The following POLQ variants were observed in gnomAD, a reference collection of about 807,000 sequenced individuals.
POLQ encodes the protein epididymis secretory sperm binding protein.
POLQ carries 233 observed loss-of-function variants against 259.2 expected under a neutral mutation model. The ratio of observed to expected loss-of-function variants is 0.90; its 90% CI spans 0.81 to 1.00. POLQ has a LOEUF of 1.00. Among genes scored for constraint, POLQ ranks in the 50% least tolerant of loss-of-function variants. The probability of loss-of-function intolerance (pLI) is 0.00; values close to 1 mark genes in which losing one functional copy is unlikely to be tolerated. For missense variants in POLQ, 2,871 were observed against 3,051.6 expected (o/e 0.94, Z 1.39); for synonymous variants, 1,025 against 1,048.8 (o/e 0.98, Z 0.44).
rs2047514835 is a variant in POLQ at position 121,433,121 on chromosome 3, T to C, written c.7544-88A>G. Reference sequence around the variant, plus strand: ...AGAGATTCTGAGTAACTCTGAGGAATTTTAATGAGAAGATTAAAACACACA... The same window carrying C: ...AGAGATTCTGAGTAACTCTGAGGAACTTTAATGAGAAGATTAAAACACACA... On this transcript the variant is annotated intron_variant, in intron 28 of 29. Coordinates refer to ENST00000264233, the MANE Select transcript of POLQ (RefSeq NM_199420.4). 4.1e-6 allele frequency: 3 copies of C among 736,984 alleles called. No homozygotes were observed. In the South Asian group the frequency reaches 4.5e-5, roughly 11 times the overall value. 45.7% of individuals were successfully genotyped at this position (736,984 alleles called of 1,614,324 possible). A position where few individuals can be genotyped will look rare whatever the true frequency, so the allele number is the denominator to read the frequency against.
intron 15 of POLQ, among the ~76,000 whole-genome samples, chr3:121,491,346 C>CAAAAAAA (rs3045625): frequency 2.4e-4 from 19 of 77,984 alleles, no homozygotes; most frequent in African/African-American, 3.9e-4. Context: ...GAGACTGTCA[C>CAAAAAAA]AAAAAAAAAA....
At chr3:121,514,801 C>A (rs1266184662) in intron 9 of POLQ, among the ~76,000 whole-genome samples, 2 of 151,986 alleles carry the variant, frequency 1.3e-5, no homozygotes, top group Middle Eastern at 3.2e-3. Flanking sequence ...ACAGTGTAGC[C>A]CAGGACAAAG....
At chr3:121,496,676 T>C in intron 14 of POLQ, 132 bp downstream of exon 14, 1 of 877,218 alleles carries the variant, frequency 1.1e-6, no homozygotes, top group Non-Finnish European at 1.7e-6. Flanking sequence ...TTTCTGATGA[T>C]GACAAGAACT....
Position 121,485,033 on chromosome 3 carries a change from T to C in POLQ, c.5773+8A>G, listed in dbSNP as rs781521319. ...ACATAGTGACTTAGCCAAATACTCA[T>C]TACTTACCAGAATGCTTTTGTTCCT... On this transcript the variant is annotated splice_region_variant and intron_variant, in intron 17 of 29. Transcript: ENST00000264233. 2 of 1,605,694 alleles carry C rather than the reference T, an allele frequency of 1.2e-6. No individual in the cohort carries two copies. The highest frequency in any genetic ancestry group is 1.7e-6 in the Non-Finnish European group (2 of 1,176,070).
intron 12 of POLQ, among the ~76,000 whole-genome samples, chr3:121,501,654 T>C (rs1576418996): frequency 1.5e-5 from 1 of 67,378 alleles, no homozygotes; most frequent in Non-Finnish European, 2.5e-5. Context: ...AGAGCGAGAC[T>C]CCGTCTCAAA....
chr3:121,505,937 G>A (rs147926944), intron 12 of POLQ, among the ~76,000 whole-genome samples: 2,068 of 149,678 alleles, frequency 0.014, 45 homozygotes, highest in African/African-American at 0.047. Flanking sequence ...CAGGAGAATC[G>A]CTTGAACCCA....
At chr3:121,494,320 T>C (rs2048096589) in intron 14 of POLQ, 10 of 1,598,200 alleles carry the variant, frequency 6.3e-6, no homozygotes, top group Middle Eastern at 2.2e-4. Flanking sequence ...CCATCCTCTA[T>C]AAGCGGCTGA....
Position 121,498,554 on chromosome 3 carries a change from C to T in POLQ, c.2076G>A (p.Gly692=). 3.7e-6 allele frequency: 6 copies of T among 1,614,074 alleles called. No individual in the cohort carries two copies. The highest frequency in any genetic ancestry group is 5.1e-6 in the Non-Finnish European group (6 of 1,179,966). The change falls in exon 13 of 30, where the codon GGG becomes GGA. Residue 692 remains glycine (G), a synonymous_variant. Transcript: ENST00000264233. ...TTCCTTTCACACAACGGGCCAAGAA[C>T]CCCTCTTCAACTCCCACTAGCTCTG... ...RVAELVGVEE[G]FLARCVKGKV...
chr3:121,493,393 ATAACT>A (rs2108800566), intron 15 of POLQ, 80 bp downstream of exon 15: 2 of 1,014,536 alleles, frequency 2.0e-6, no homozygotes, highest in African/African-American at 3.3e-5. Context: ...TAAGAGAAAA[ATAACT>A]TTAATACATT....
chr3:121,455,422 C>CA (rs1218405179), intron 25 of POLQ, among the ~76,000 whole-genome samples: 1 of 147,718 alleles, frequency 6.8e-6, no homozygotes, highest in Non-Finnish European at 1.5e-5. Context: ...AAAAACCCTT[C>CA]AAAAAATTAA....
chr3:121,493,118 A>G (rs931700060), intron 15 of POLQ, among the ~76,000 whole-genome samples: 2 of 152,102 alleles, frequency 1.3e-5, no homozygotes, highest in African/African-American at 2.4e-5. Context: ...CCTGGCCAAC[A>G]TGGTGAAACC....
chr3:121,447,274 G>A (rs889475458), intron 26 of POLQ, among the ~76,000 whole-genome samples: 2 of 149,926 alleles, frequency 1.3e-5, no homozygotes, highest in African/African-American at 2.5e-5. Context: ...GGGTTCAAGC[G>A]ATTCTTTCAC....
chr3:121,472,497 C>T (rs1016630291), intron 21 of POLQ, among the ~76,000 whole-genome samples: 1 of 152,190 alleles, frequency 6.6e-6, no homozygotes, highest in African/African-American at 2.4e-5. Context: ...TTTCCTCCTT[C>T]GCTCCTCACA....
intron 27 of POLQ, among the ~76,000 whole-genome samples, chr3:121,436,697 T>A (rs536634183): frequency 3.4e-4 from 51 of 152,174 alleles, no homozygotes; most frequent in Non-Finnish European, 6.6e-4. Context: ...AAGCACACCC[T>A]CTATACCAAT....
At chr3:121,442,756 T>C (rs2047604554) in intron 26 of POLQ, among the ~76,000 whole-genome samples, 1 of 152,062 alleles carries the variant, frequency 6.6e-6, no homozygotes, top group Admixed American at 6.6e-5. Flanking sequence ...AACATGGGAG[T>C]GCATGCAGAT....
intron 17 of POLQ, among the ~76,000 whole-genome samples, chr3:121,484,721 TA>T (rs1401342224): frequency 6.6e-6 from 1 of 151,940 alleles, no homozygotes; most frequent in African/African-American, 2.4e-5. Context: ...ACCAACATGG[TA>T]AAACCCTGTC....
At position 121,468,290 on chromosome 3, in the gene POLQ, A is replaced by G; in HGVS notation, c.6845+15T>C. The G allele has an allele frequency of 1.2e-6, 2 of 1,600,326 alleles. No homozygotes were observed. Among genetic ancestry groups the G allele is most frequent in the African/African-American group, 2.7e-5 (2 of 74,192 alleles). On this transcript the variant is annotated intron_variant, in intron 23 of 29. Transcript: ENST00000264233. ...CAAAAGTTTATTAATACAGATACAG[A>G]GAAACAGCACCTACCTGCCCATGGG...
At chr3:121,452,832 G>A (rs1009301567) in intron 25 of POLQ, among the ~76,000 whole-genome samples, 14 of 152,188 alleles carry the variant, frequency 9.2e-5, no homozygotes, top group South Asian at 2.1e-4. Context: ...CAAAAAGACA[G>A]CAGTAACCTC....
rs562209568 is a variant in POLQ at position 121,437,715 on chromosome 3, C to T, written c.7390-1440G>A. 2.0e-5 allele frequency among the ~76,000 whole-genome samples: 3 copies of T among 152,184 alleles called. No homozygotes were observed. In the South Asian group the frequency reaches 6.2e-4, roughly 32 times the overall value. ...AACATAAATGCATGTAAATGTGCAC[C>T]AAGAACCTTGTACAAGCATGTTCAA... On this transcript the variant is annotated intron_variant, in intron 27 of 29. Transcript: ENST00000264233.
Sources: gnomAD v4.1 joint callset for allele counts (sites outside exome capture counted in the v4.1 genomes callset) on GRCh38, gnomAD v4.1.1 for gene constraint, MANE v1.5 for transcripts, NCBI Gene and HGNC (gene_info 2026-07-23, HGNC 2026-07-21) for gene names.